The following MYH13 variants were observed in gnomAD, a reference collection of about 807,000 sequenced individuals.
The protein encoded by MYH13 is myosin-13.
A neutral mutation model predicts 232.1 loss-of-function variants in MYH13; 177 were observed. The observed-to-expected ratio is 0.76, with a 90% CI of 0.67 to 0.86. The LOEUF (loss-of-function observed/expected upper bound fraction) is 0.86. Ranked by LOEUF, MYH13 falls within the 40% of genes least tolerant of loss-of-function variation. MYH13 has a pLI of 0.00. For synonymous variants in MYH13, 884 were observed against 923.5 expected (o/e 0.96, Z 0.78); for missense variants, 2,246 against 2,405.9 (o/e 0.93, Z 1.39).
intron 27 of MYH13, among the ~76,000 whole-genome samples, chr17:10,316,247 G>A (rs1359658015): frequency 6.6e-6 from 1 of 152,190 alleles, no homozygotes; most frequent in Non-Finnish European, 1.5e-5. Context: ...GATCACCTGA[G>A]GTCAGGAGTT....
In MYH13 at chr17:10,315,695, T is replaced by G; in HGVS notation, c.3982A>C (p.Lys1328Gln). The stretch of plus-strand genomic sequence containing the variant: ...TCAATCTGACTCTATATCTTTACCT[T>G]GGTTTCTTCTTCCATTTGCCTCTTA... ...ELKRQMEEET[K>Q]AKNAMAHALQ... Residue 1328 changes from lysine to glutamine, a missense_variant and splice_region_variant, in exon 29 of 41, where the codon AAG (lysine) becomes CAG (glutamine). Transcript: ENST00000252172. 6.2e-7 allele frequency: 1 copy of G among 1,613,688 alleles called. No individual in the cohort carries two copies. The highest frequency in any genetic ancestry group is 8.5e-7 in the Non-Finnish European group (1 of 1,179,704).
chr17:10,315,363 G>C (rs1367689680), intron 29 of MYH13, among the ~76,000 whole-genome samples: 2 of 152,188 alleles, frequency 1.3e-5, no homozygotes, highest in Non-Finnish European at 2.9e-5. Context: ...CGTGATCTCA[G>C]CTCACTGCCA....
chr17:10,359,829 A>G, intron 7 of MYH13, 131 bp downstream of exon 7: 1 of 760,924 alleles, frequency 1.3e-6, no homozygotes, highest in Non-Finnish European at 2.2e-6. Context: ...GTGAGGATAC[A>G]GAGAGGAAAG....
Position 10,301,629 on chromosome 17 carries a change from C to G in MYH13, c.5742G>C (p.Ala1914=). The G allele has an allele frequency of 6.2e-7, 1 of 1,614,184 alleles. No individual in the cohort carries two copies. Among genetic ancestry groups the G allele is most frequent in the Non-Finnish European group, 8.5e-7 (1 of 1,180,040 alleles). Residue 1914 remains alanine, a synonymous_variant, in exon 40 of 41, where the codon GCG becomes GCC. Transcript: ENST00000252172. The part of the protein sequence containing the change: ...QHELEEAAER[A]DIAESQVNKL... ...TGTTGACCTGGGACTCAGCGATGTC[C>G]GCCCTCTCCGCGGCCTCCTCTAGCT...
intron 23 of MYH13, 119 bp downstream of exon 23, chr17:10,323,903 G>A: frequency 7.4e-7 from 1 of 1,356,486 alleles, no homozygotes; most frequent in Non-Finnish European, 9.9e-7. Flanking sequence ...CTTGACGCCA[G>A]CCTCTCATTT....
Position 10,309,843 on chromosome 17 carries a change from A to G in MYH13, c.4657-13T>C, listed in dbSNP as rs747951065. 22 of 1,547,690 alleles carry G rather than the reference A, an allele frequency of 1.4e-5. No individual in the cohort carries two copies. The highest frequency in any genetic ancestry group is 4.1e-5 in the African/African-American group (3 of 73,476). ...GTTCCAAGGAACCCTGACGAAAGCA[A>G]AGGAGTGATTGAGAGTGCCGTGGAC... On this transcript the variant is annotated splice_polypyrimidine_tract_variant and intron_variant, in intron 33 of 40. Coordinates refer to ENST00000252172, the MANE Select transcript of MYH13 (RefSeq NM_003802.3).
Position 10,330,381 on chromosome 17 carries a change from T to C in MYH13, c.2435+6A>G, listed in dbSNP as rs1361421582. The stretch of plus-strand genomic sequence containing the variant: ...AGGATAAGGTGGAGGTGAGGGTCTG[T>C]GTCACCTCCTCTCCATCATCTTCTT... On this transcript the variant is annotated splice_donor_region_variant and intron_variant, in intron 21 of 40. Transcript: ENST00000252172. 3 of 1,613,532 alleles carry C rather than the reference T, an allele frequency of 1.9e-6. No individual in the cohort carries two copies. Among genetic ancestry groups the C allele is most frequent in the Middle Eastern group, 1.7e-4 (1 of 6,032 alleles).
At position 10,371,213 on chromosome 17, in the gene MYH13, T is replaced by C. The variant is rs2071875388; in HGVS notation, c.-17A>G. On this transcript the variant is annotated 5_prime_UTR_variant, in exon 2 of 41. Coordinates refer to ENST00000252172, the MANE Select transcript of MYH13 (RefSeq NM_003802.3). ...CAAGCTGAAAATAACCCTTACCTTCTTGGTTCCCAAGTGACAGTCAGTGTC... is the reference window on the plus strand; with the variant it reads ...CAAGCTGAAAATAACCCTTACCTTCCTGGTTCCCAAGTGACAGTCAGTGTC... 6.6e-6 allele frequency: 1 copy of C among 152,228 alleles called. No individual in the cohort carries two copies. The highest frequency in any genetic ancestry group is 1.5e-5 in the Non-Finnish European group (1 of 68,052). 9.4% of individuals were successfully genotyped at this position (152,228 alleles called of 1,614,324 possible).
chr17:10,301,466 T>G (rs537625275), intron 40 of MYH13, 103 bp downstream of exon 40: 1,488 of 1,540,096 alleles, frequency 9.7e-4, no homozygotes, highest in Non-Finnish European at 1.2e-3. Flanking sequence ...CTCAGGTACC[T>G]GCCCTTATCT....
chr17:10,371,607 T>G (rs9908551), intron 1 of MYH13, among the ~76,000 whole-genome samples: 5,656 of 152,230 alleles, frequency 0.037, 334 homozygotes, highest in African/African-American at 0.12. Context: ...CTCAAGTAAG[T>G]CTTTGAACAG....
At chr17:10,312,115 A>G in intron 31 of MYH13, 39 bp from the exon 32 acceptor site, 1 of 1,610,134 alleles carries the variant, frequency 6.2e-7, no homozygotes, top group East Asian at 2.2e-5. Flanking sequence ...AGCAGAAAGC[A>G]GGGGTGACTC....
chr17:10,318,992 C>A lies in MYH13; in HGVS notation c.3536G>T (p.Arg1179Leu), dbSNP rs369467746. The A allele has an allele frequency of 6.2e-7, 1 of 1,614,122 alleles. No homozygotes were observed. The highest frequency in any genetic ancestry group is 1.1e-5 in the South Asian group (1 of 91,088). Residue 1179 changes from arginine to leucine, a missense_variant, in exon 27 of 41, where the codon CGC becomes CTC. Arg to Leu is a moderately radical substitution (Grantham distance 102). Coordinates refer to ENST00000252172, the MANE Select transcript of MYH13 (RefSeq NM_003802.3). ...CAGGGTGGCCTCCTCCAGGTCCCTGCGCATTTTCTGGAACTCAGCCTCCCT... is the reference window on the plus strand; with the variant it reads ...CAGGGTGGCCTCCTCCAGGTCCCTGAGCATTTTCTGGAACTCAGCCTCCCT... ...KKREAEFQKM[R>L]RDLEEATLQH...
At position 10,332,020 on chromosome 17, in the gene MYH13, G is replaced by A. The variant is rs1041381353; in HGVS notation, c.2298+79C>T. 1.9e-6 allele frequency: 3 copies of A among 1,567,484 alleles called. No homozygotes were observed. In the African/African-American group the frequency reaches 4.1e-5, roughly 21 times the overall value. ...GGTCAGGTGGACCAAAAGGAGAAGG[G>A]GACCCTTTTTCTGATCAGCTAAGAA... On this transcript the variant is annotated intron_variant, in intron 20 of 40. Coordinates refer to ENST00000252172, the MANE Select transcript of MYH13 (RefSeq NM_003802.3).
intron 27 of MYH13, chr17:10,317,443 G>A (rs8079253): frequency 0.37 from 56,346 of 152,320 alleles, 10,701 homozygotes; most frequent in Admixed American, 0.41. Context: ...AGCAGGGGGC[G>A]CTGGAGAGAC....
chr17:10,357,794 G>C lies in MYH13; in HGVS notation c.679C>G (p.Pro227Ala), dbSNP rs2071760154. The change falls in exon 8 of 41, where the codon CCA (proline) becomes GCA (alanine). Residue 227 changes from proline to alanine, a missense_variant. Coordinates refer to ENST00000252172, the MANE Select transcript of MYH13 (RefSeq NM_003802.3). ...GCATTTCCAAAGGCCTCCAGCAGTG[G>C]GTTGGCCTGGATGATCTGATCCTCT... Reference protein sequence around the residue: ...TLEDQIIQANPLLEAFGNAKT... With the variant: ...TLEDQIIQANALLEAFGNAKT... 1 of 1,613,872 alleles carries C rather than the reference G, an allele frequency of 6.2e-7. No individual in the cohort carries two copies.
intron 18 of MYH13, among the ~76,000 whole-genome samples, chr17:10,337,310 T>C (rs1001265412): frequency 1.4e-4 from 21 of 152,280 alleles, no homozygotes; most frequent in African/African-American, 5.1e-4. Flanking sequence ...AAGCCAGCTT[T>C]TGGTGAGTCA....
rs752345054 is a variant in MYH13, at chr17:10,357,762, A to T, written c.711T>A (p.Thr237=). Residue 237 remains threonine (T), a synonymous_variant, in exon 8 of 41, where the codon ACT becomes ACA. Coordinates refer to ENST00000252172, the MANE Select transcript of MYH13 (RefSeq NM_003802.3). ...ATCTTGAGGAGTTGTCATTCCTCACAGTCTTGGCATTTCCAAAGGCCTCCA... is the reference window on the plus strand; with the variant it reads ...ATCTTGAGGAGTTGTCATTCCTCACTGTCTTGGCATTTCCAAAGGCCTCCA... The part of the protein sequence containing the change: ...PLLEAFGNAK[T]VRNDNSSRFG... 6.2e-7 allele frequency: 1 copy of T among 1,613,968 alleles called. No homozygotes were observed. The highest frequency in any genetic ancestry group is 8.5e-7 in the Non-Finnish European group (1 of 1,179,900).
chr17:10,357,705 A>G (rs748185465), intron 8 of MYH13, 30 bp downstream of exon 8: 42 of 1,596,632 alleles, frequency 2.6e-5, no homozygotes, highest in Non-Finnish European at 3.4e-5. Flanking sequence ...TGCTTTTGGG[A>G]GGATACTTGA....
intron 12 of MYH13, among the ~76,000 whole-genome samples, chr17:10,348,689 CTT>C (rs368532073): frequency 6.7e-6 from 1 of 150,266 alleles, no homozygotes; most frequent in Non-Finnish European, 1.5e-5. Flanking sequence ...GCCTGATACT[CTT>C]TTTTTTTTCT....
Sources: gnomAD v4.1 joint callset for allele counts (sites outside exome capture counted in the v4.1 genomes callset) on GRCh38, gnomAD v4.1.1 for gene constraint, MANE v1.5 for transcripts, NCBI Gene and HGNC (gene_info 2026-07-23, HGNC 2026-07-21) for gene names.